MAML3: variants seen among roughly 807,000 people sequenced by gnomAD.
MAML3 encodes the protein mastermind-like protein 3.
Under a neutral mutation model 101.9 loss-of-function variants are expected in MAML3, and 27 were observed. The observed-to-expected ratio is 0.27, with a 90% CI of 0.20 to 0.37. The LOEUF is 0.37. Ranked by LOEUF, MAML3 falls within the 10% of genes least tolerant of loss-of-function variation. The pLI is 1.00. For synonymous variants in MAML3, 501 were observed against 555.9 expected, an observed-to-expected ratio of 0.90 and a Z score of 1.39; for missense variants, 1,316 against 1,444.9, an observed-to-expected ratio of 0.91 and a Z score of 1.45.
intron 2 of MAML3, among the ~76,000 whole-genome samples, chr4:139,771,795 T>C (rs1048173427): frequency 3.3e-5 from 5 of 152,118 alleles, no homozygotes; most frequent in Admixed American, 6.5e-5. Flanking sequence ...AAGATGTAGC[T>C]TTCGGGGGCC....
In MAML3 at chr4:139,719,274, C is replaced by T. The variant is rs1454067779; in HGVS notation, c.*49G>A. The T allele has an allele frequency of 6.6e-7, 1 of 1,514,984 alleles. No homozygotes were observed. 93.8% of individuals were successfully genotyped at this position (1,514,984 alleles called of 1,614,324 possible). A position where few individuals can be genotyped will look rare whatever the true frequency, so the allele number is the denominator to read the frequency against. On this transcript the variant is annotated 3_prime_UTR_variant, in exon 5 of 5. Transcript: ENST00000509479. ...GGGTCAACATCCTGTTTCTTTTTCA[C>T]TTTTTAAGCTTTAACCACTCGAGTT...
chr4:140,127,321 T>C (rs2111033897), intron 1 of MAML3, among the ~76,000 whole-genome samples: 1 of 152,374 alleles, frequency 6.6e-6, no homozygotes, highest in South Asian at 2.1e-4. Context: ...CAGATGGTTG[T>C]CACTTCAATG....
Position 139,719,180 on chromosome 4 carries a change from G to C in MAML3, c.*143C>G, listed in dbSNP as rs912662752. 26 of 927,294 alleles carry C rather than the reference G, an allele frequency of 2.8e-5. No individual in the cohort carries two copies. In the African/African-American group the frequency reaches 4.3e-4, roughly 16 times the overall value. The allele number at this position is 927,294 out of a possible 1,614,324, so 57.4% of individuals were successfully genotyped here. The stretch of plus-strand genomic sequence containing the variant: ...TGGTGGGGCTGTGGATTGGCACCTG[G>C]ATCTTCCATTGTCAGCCAGCTGCAG... On this transcript the variant is annotated 3_prime_UTR_variant, in exon 5 of 5. Transcript: ENST00000509479.
At chr4:140,144,673 T>C (rs910441541) in intron 1 of MAML3, among the ~76,000 whole-genome samples, 2 of 151,762 alleles carry the variant, frequency 1.3e-5, no homozygotes, top group Non-Finnish European at 1.5e-5. Context: ...ACAAACAATA[T>C]AGCCATTAGC....
intron 1 of MAML3, among the ~76,000 whole-genome samples, chr4:139,956,670 G>T (rs919553383): frequency 6.6e-6 from 1 of 152,320 alleles, no homozygotes; most frequent in East Asian, 1.9e-4. Context: ...TGCACAAAGC[G>T]ATGGGGAGCG....
chr4:139,833,957 C>CT (rs950827682), intron 2 of MAML3, among the ~76,000 whole-genome samples: 4 of 151,954 alleles, frequency 2.6e-5, no homozygotes, highest in African/African-American at 9.7e-5. Flanking sequence ...AATTTGGGAT[C>CT]TTTAAGAGGA....
chr4:139,937,259 C>T (rs1389561073), intron 1 of MAML3, among the ~76,000 whole-genome samples: 1 of 152,132 alleles, frequency 6.6e-6, no homozygotes, highest in Non-Finnish European at 1.5e-5. Context: ...ATAATGAAAT[C>T]CTTTACTCTT....
chr4:139,825,744 GAC>G, intron 2 of MAML3, among the ~76,000 whole-genome samples: 2 of 148,390 alleles, frequency 1.3e-5, no homozygotes, highest in Non-Finnish European at 3.0e-5. Flanking sequence ...TATAGACAAT[GAC>G]TTCAAGGAAG....
intron 2 of MAML3, among the ~76,000 whole-genome samples, chr4:139,822,627 C>A (rs1730994893): frequency 6.6e-6 from 1 of 152,136 alleles, no homozygotes; most frequent in South Asian, 2.1e-4. Context: ...TTTGAGTGAC[C>A]ACAAACAAAA....
chr4:139,971,429 T>C (rs918405115), intron 1 of MAML3, among the ~76,000 whole-genome samples: 1 of 152,230 alleles, frequency 6.6e-6, no homozygotes, highest in African/African-American at 2.4e-5. Flanking sequence ...TATTGGTATC[T>C]GAATGAACAC....
In MAML3 at chr4:140,082,188, C is replaced by T. The variant is rs75660973; in HGVS notation, c.468+70672G>A. 5.7e-3 allele frequency among the ~76,000 whole-genome samples: 868 copies of T among 152,308 alleles called. 9 individuals are homozygous for T. Among genetic ancestry groups the T allele is most frequent in the African/African-American group, 0.02 (820 of 41,562 alleles). On this transcript the variant is annotated intron_variant, in intron 1 of 4. Coordinates refer to ENST00000509479, the MANE Select transcript of MAML3 (RefSeq NM_018717.5). Reference sequence around the variant, plus strand: ...GCGTTCTCCCCTTGTGCCTCTTTCACAGTCAAAGGGTTCAAGGGAAGAATG... The same window carrying T: ...GCGTTCTCCCCTTGTGCCTCTTTCATAGTCAAAGGGTTCAAGGGAAGAATG...
At chr4:140,089,371 C>A (rs535160065) in intron 1 of MAML3, among the ~76,000 whole-genome samples, 1 of 152,332 alleles carries the variant, frequency 6.6e-6, no homozygotes, top group African/African-American at 2.4e-5. Context: ...TCCTTAATCC[C>A]AGCATGATGT....
intron 1 of MAML3, among the ~76,000 whole-genome samples, chr4:140,051,581 A>G (rs563871933): frequency 2.0e-5 from 3 of 152,112 alleles, no homozygotes; most frequent in African/African-American, 7.2e-5. Context: ...AATTAAATTA[A>G]TGGTTCAGGA....
intron 1 of MAML3, among the ~76,000 whole-genome samples, chr4:140,104,761 G>GCTATA (rs1312463793): frequency 6.6e-6 from 1 of 151,346 alleles, no homozygotes; most frequent in East Asian, 1.9e-4. Flanking sequence ...CAAAGTGCTG[G>GCTATA]GATTACAGAC....
rs73857944 is a variant in MAML3 at position 140,137,643 on chromosome 4, C to A, written c.468+15217G>T. Among the ~76,000 whole-genome samples, 722 of 152,324 alleles carry A rather than the reference C, an allele frequency of 4.7e-3. 7 individuals are homozygous for A. The highest frequency in any genetic ancestry group is 0.015 in the African/African-American group (639 of 41,574). ...CATAAATATTCAAAGTATGCACTAT[C>A]TTTGTTAATAGAGTAATGAAAACGG... On this transcript the variant is annotated intron_variant, in intron 1 of 4. Transcript: ENST00000509479.
intron 1 of MAML3, among the ~76,000 whole-genome samples, chr4:139,955,578 A>G (rs1478958319): frequency 1.3e-5 from 2 of 152,218 alleles, no homozygotes; most frequent in Non-Finnish European, 2.9e-5. Context: ...TCTCAAAAAA[A>G]TGAAATGCTC....
At chr4:139,748,152 T>A (rs1404242687) in intron 2 of MAML3, among the ~76,000 whole-genome samples, 1 of 151,304 alleles carries the variant, frequency 6.6e-6, no homozygotes, top group African/African-American at 2.4e-5. Flanking sequence ...GCCCATGGTA[T>A]ATTCAGCTTC....
At chr4:139,917,164 C>T (rs1035151372) in intron 1 of MAML3, among the ~76,000 whole-genome samples, 1 of 152,154 alleles carries the variant, frequency 6.6e-6, no homozygotes, top group Admixed American at 6.5e-5. Context: ...GAACCACTCT[C>T]CTGTAGGTTA....
intron 1 of MAML3, among the ~76,000 whole-genome samples, chr4:140,132,013 T>C (rs978290430): frequency 6.6e-6 from 1 of 152,230 alleles, no homozygotes; most frequent in Non-Finnish European, 1.5e-5. Flanking sequence ...GTCATGAGTG[T>C]GTATGTGCGG....
Sources: gnomAD v4.1 joint callset for allele counts (sites outside exome capture counted in the v4.1 genomes callset) on GRCh38, gnomAD v4.1.1 for gene constraint, MANE v1.5 for transcripts, NCBI Gene and HGNC (gene_info 2026-07-23, HGNC 2026-07-21) for gene names.